Variants in RANBP2 observed in about 807,000 individuals in gnomAD.
RANBP2 encodes the protein E3 SUMO-protein ligase RanBP2.
A neutral mutation model predicts 303.6 loss-of-function variants in RANBP2; 57 were observed. That is an observed-to-expected ratio of 0.19 (90% CI 0.15 to 0.23). The LOEUF (loss-of-function observed/expected upper bound fraction) is 0.23. Among genes scored for constraint, RANBP2 ranks in the 10% least tolerant of loss-of-function variants. The pLI, the probability that RANBP2 is intolerant of heterozygous loss-of-function variation, is 1.00. For missense variants in RANBP2, 3,138 were observed against 3,780.8 expected (o/e 0.83, Z 4.46); for synonymous variants, 1,167 against 1,301.5 (o/e 0.90, Z 2.23).
At chr2:109,061,236 A>G in the RANBP2 span, among the ~76,000 whole-genome samples, 1 of 152,124 alleles carries the variant, frequency 6.6e-6, no homozygotes, top group Non-Finnish European at 1.5e-5. Context: ...GTACTTATGC[A>G]CACAAACACC....
At chr2:109,345,527 T>C in the RANBP2 span, among the ~76,000 whole-genome samples, 1 of 152,052 alleles carries the variant, frequency 6.6e-6, no homozygotes, top group Non-Finnish European at 1.5e-5. Flanking sequence ...TGAAGGGAAA[T>C]GGAGTCATTC....
the RANBP2 span, among the ~76,000 whole-genome samples, chr2:108,972,796 T>A: frequency 6.6e-6 from 1 of 152,180 alleles, no homozygotes; most frequent in Non-Finnish European, 1.5e-5. Flanking sequence ...CCGGGGGGCC[T>A]CCGGCAGGGG....
At chr2:109,083,740 C>T in the RANBP2 span, among the ~76,000 whole-genome samples, 5 of 152,110 alleles carry the variant, frequency 3.3e-5, no homozygotes, top group South Asian at 2.1e-4. Flanking sequence ...TGTTTTCTGC[C>T]GTGGCTGCAC....
chr2:109,418,600 T>C, the RANBP2 span, among the ~76,000 whole-genome samples: 1 of 152,114 alleles, frequency 6.6e-6, no homozygotes, highest in Non-Finnish European at 1.5e-5. Context: ...ATACTCATCA[T>C]TGGATTTGGT....
chr2:109,249,585 T>TTCCTTCC, the RANBP2 span, among the ~76,000 whole-genome samples: 2 of 128,420 alleles, frequency 1.6e-5, no homozygotes, highest in African/African-American at 3.1e-5. Context: ...CCTTCCTTCC[T>TTCCTTCC]TTCCTTTCTT....
At chr2:109,213,550 G>T in the RANBP2 span, among the ~76,000 whole-genome samples, 1 of 152,176 alleles carries the variant, frequency 6.6e-6, no homozygotes, top group Non-Finnish European at 1.5e-5. Flanking sequence ...CTAACAGGGG[G>T]CTGGGCTCTT....
At chr2:109,736,546 C>G in the RANBP2 span, among the ~76,000 whole-genome samples, 2,862 of 152,186 alleles carry the variant, frequency 0.019, 37 homozygotes, top group South Asian at 0.057. Context: ...TTCCCCAAAC[C>G]CCTTTATGGA....
chr2:108,967,499 T>G, the RANBP2 span, among the ~76,000 whole-genome samples: 1 of 152,112 alleles, frequency 6.6e-6, no homozygotes, highest in Non-Finnish European at 1.5e-5. Flanking sequence ...CTTGTCTTTT[T>G]ATCCTTTTTT....
chr2:109,408,188 G>A, the RANBP2 span, among the ~76,000 whole-genome samples: 1 of 152,162 alleles, frequency 6.6e-6, no homozygotes, highest in African/African-American at 2.4e-5. Context: ...CCACCGGTAG[G>A]CCCCATGGGA....
the RANBP2 span, among the ~76,000 whole-genome samples, chr2:109,134,654 G>A: frequency 3.3e-5 from 5 of 152,128 alleles, no homozygotes; most frequent in African/African-American, 7.2e-5. Context: ...CTTGCTGAGC[G>A]GCACACAGTT....
the RANBP2 span, among the ~76,000 whole-genome samples, chr2:109,282,057 G>T: frequency 1.3e-5 from 2 of 152,178 alleles, no homozygotes; most frequent in South Asian, 2.1e-4. Context: ...GATGCTGGTG[G>T]GATATGAGTG....
chr2:109,580,080 C>G, the RANBP2 span, among the ~76,000 whole-genome samples: 1 of 151,902 alleles, frequency 6.6e-6, no homozygotes, highest in South Asian at 2.1e-4. Flanking sequence ...TAGATCGCAC[C>G]ACTGCACTCC....
At chr2:109,734,420 C>T in the RANBP2 span, among the ~76,000 whole-genome samples, 1 of 151,970 alleles carries the variant, frequency 6.6e-6, no homozygotes, top group Non-Finnish European at 1.5e-5. Context: ...AGAAATAAAT[C>T]TAACTGAAGA....
At chr2:109,003,099 G>A in the RANBP2 span, among the ~76,000 whole-genome samples, 9 of 151,478 alleles carry the variant, frequency 5.9e-5, no homozygotes, top group East Asian at 2.0e-4. Flanking sequence ...CCAGCTACTC[G>A]GGAGGCTGAG....
the RANBP2 span, among the ~76,000 whole-genome samples, chr2:109,777,199 A>AG: frequency 7.0e-6 from 1 of 142,224 alleles, no homozygotes; most frequent in African/African-American, 2.6e-5. Flanking sequence ...GCCCTTTATC[A>AG]GGTTAAGGAA....
chr2:109,513,468 T>TCCACATGTACACACA, the RANBP2 span, among the ~76,000 whole-genome samples: 73,847 of 141,088 alleles, frequency 0.52, 19,389 homozygotes, highest in Middle Eastern at 0.68. Flanking sequence ...ATATAGACAC[T>TCCACATGTACACACA]CCACATGTAC....
chr2:108,753,225 G>A (rs1676044652), intron 13 of RANBP2, 66 bp downstream of exon 13: 3 of 1,608,146 alleles, frequency 1.9e-6, no homozygotes, highest in African/African-American at 2.7e-5. Flanking sequence ...AAGACATAGA[G>A]CTATACACTG....
At chr2:109,732,069 G>T in the RANBP2 span, among the ~76,000 whole-genome samples, 7 of 152,074 alleles carry the variant, frequency 4.6e-5, no homozygotes. Flanking sequence ...TGTTGCCCAG[G>T]CTGGTCTCAA....
At chr2:109,198,850 A>C in the RANBP2 span, among the ~76,000 whole-genome samples, 1 of 152,344 alleles carries the variant, frequency 6.6e-6, no homozygotes, top group Admixed American at 6.5e-5. Context: ...AGACCTGTGC[A>C]GGATGTGACT....
Sources: allele counts gnomAD v4.1 joint callset (sites outside exome capture counted in the v4.1 genomes callset), GRCh38; gene constraint gnomAD v4.1.1; transcripts MANE v1.5; gene names NCBI Gene and HGNC (gene_info 2026-07-23, HGNC 2026-07-21).